The following CLDN14 variants were observed in gnomAD, a reference collection of about 807,000 sequenced individuals.
CLDN14 encodes claudin 14, also known as claudin-14.
Under a neutral mutation model 2.1 loss-of-function variants are expected in CLDN14, and 2 were observed. That is an observed-to-expected ratio of 0.96 (90% CI 0.39 to 3.01). The LOEUF (loss-of-function observed/expected upper bound fraction) is 3.01, where lower values mean the gene tolerates loss of function less well. CLDN14 is among the 30% of genes most tolerant of loss of function. The probability of loss-of-function intolerance (pLI) is 0.09; values close to 1 mark genes in which losing one functional copy is unlikely to be tolerated. For synonymous variants in CLDN14, 136 were observed against 154.4 expected (o/e 0.88, Z 0.88); for missense variants, 298 against 328.0 (o/e 0.91, Z 0.71).
upstream of CLDN14, among the ~76,000 whole-genome samples, chr21:36,483,402 C>T (rs559288211): frequency 7.9e-5 from 12 of 152,364 alleles, no homozygotes; most frequent in Admixed American, 2.6e-4. Flanking sequence ...TCAAACCATG[C>T]GTCTCTCTGA....
rs1183607036 is a variant in CLDN14 at position 36,461,255 on chromosome 21, G to T, written c.441C>A (p.Phe147Leu). 1.2e-6 allele frequency: 2 copies of T among 1,613,856 alleles called. No homozygotes were observed. The highest frequency in any genetic ancestry group is 2.7e-5 in the African/African-American group (2 of 74,946). The change falls in exon 2 of 2, where the codon TTC (phenylalanine) becomes TTA (leucine). Residue 147 changes from phenylalanine to leucine, a missense_variant. Physicochemically the swap from Phe to Leu is conservative, Grantham distance 22. Coordinates refer to ENST00000399135, the MANE Select transcript of CLDN14 (RefSeq NM_001146079.2). ...SWTTNDVVQN[F>L]YNPLLPSGMK... ...TGCCGCTGGGCAGCAGCGGGTTGTA[G>T]AAGTTCTGCACCACGTCGTTGGTGG...
At chr21:36,526,726 C>A (rs951618614) in intron 1 of CLDN14, among the ~76,000 whole-genome samples, 1 of 152,204 alleles carries the variant, frequency 6.6e-6, no homozygotes, top group Non-Finnish European at 1.5e-5. Context: ...CTGAGGTAGG[C>A]CCAGCAATAC....
At chr21:36,466,911 G>C (rs1221307234) in intron 1 of CLDN14, among the ~76,000 whole-genome samples, 2 of 152,100 alleles carry the variant, frequency 1.3e-5, no homozygotes, top group Non-Finnish European at 2.9e-5. Flanking sequence ...GAGAGAAATT[G>C]ACCAAAACAA....
intron 1 of CLDN14, among the ~76,000 whole-genome samples, chr21:36,558,907 T>G (rs545912040): frequency 2.0e-5 from 3 of 152,152 alleles, no homozygotes; most frequent in Non-Finnish European, 4.4e-5. Context: ...TTTATTTATA[T>G]GTAATGTTTA....
intron 1 of CLDN14, among the ~76,000 whole-genome samples, chr21:36,518,073 CGT>C (rs2087241634): frequency 1.7e-5 from 1 of 59,342 alleles, no homozygotes; most frequent in African/African-American, 5.7e-5. Context: ...CACTTACATA[CGT>C]ACACACACAC....
Position 36,544,152 on chromosome 21 carries a change from T to G in CLDN14, c.-220+32259A>C, listed in dbSNP as rs1216363922. On this transcript the variant is annotated intron_variant, in intron 1 of 2. Transcript: ENST00000342108. The surrounding 1 kb of genome is among the most constrained non-coding windows in gnomAD (Gnocchi z 4.1). ...GCCCTTGGCTCCCTCCAACCCAGGT[T>G]TCCATTACCATGGTGCTGCCTGCCA... is the stretch of plus-strand genomic sequence containing the variant. Among the ~76,000 whole-genome samples, 1 of 152,224 alleles carries G rather than the reference T, an allele frequency of 6.6e-6. No homozygotes were observed. The highest frequency in any genetic ancestry group is 2.4e-5 in the African/African-American group (1 of 41,466).
intron 1 of CLDN14, among the ~76,000 whole-genome samples, chr21:36,525,869 G>A (rs1433006080): frequency 2.0e-5 from 3 of 152,114 alleles, no homozygotes; most frequent in Non-Finnish European, 4.4e-5. Flanking sequence ...ACTGGGGCTG[G>A]GTTTTAAAGA....
In CLDN14 at chr21:36,478,972, T is replaced by TC. The variant is rs370989238; in HGVS notation, c.-82+522dup. Among the ~76,000 whole-genome samples the TC allele has an allele frequency of 1.6e-3, 240 of 151,782 alleles. 1 individual carries two copies. The highest frequency in any genetic ancestry group is 6.8e-3 in the Middle Eastern group (2 of 294). The stretch of plus-strand genomic sequence containing the variant: ...CCCTCATTGAGAGAGATCTATCACT[T>TC]CCCCCCCTCTCCTGCCATGCCAATA... On this transcript the variant is annotated intron_variant, in intron 1 of 1. Coordinates refer to ENST00000399135, the MANE Select transcript of CLDN14 (RefSeq NM_001146079.2).
intron 1 of CLDN14, among the ~76,000 whole-genome samples, chr21:36,513,837 CT>C (rs1336563294): frequency 5.9e-5 from 9 of 151,660 alleles, no homozygotes; most frequent in African/African-American, 2.2e-4. Flanking sequence ...TTCTTTCTTT[CT>C]TTTTTAAAAT....
chr21:36,556,271 T>C (rs144951172), intron 1 of CLDN14, among the ~76,000 whole-genome samples: 219 of 152,344 alleles, frequency 1.4e-3, no homozygotes, highest in African/African-American at 5.0e-3. Flanking sequence ...GAGGTGGGAA[T>C]GTCTTCTAAT....
chr21:36,527,831 G>C (rs899482866), intron 1 of CLDN14, among the ~76,000 whole-genome samples: 3 of 151,936 alleles, frequency 2.0e-5, no homozygotes, highest in African/African-American at 7.3e-5. Flanking sequence ...CTGTATCTCA[G>C]GGGGAAGAAA....
intron 1 of CLDN14, among the ~76,000 whole-genome samples, chr21:36,517,656 C>T (rs899351781): frequency 6.6e-6 from 1 of 152,134 alleles, no homozygotes; most frequent in African/African-American, 2.4e-5. Context: ...TGGATACAGT[C>T]CTGCACAATA....
In CLDN14 at chr21:36,512,079, C is replaced by T. The variant is rs114541696; in HGVS notation, c.-219-1579G>A. On this transcript the variant is annotated intron_variant, in intron 1 of 2. Coordinates refer to the CLDN14 transcript ENST00000342108. The stretch of plus-strand genomic sequence containing the variant: ...TGTTAATGACTCTGCCCTGATGCTC[C>T]TATGTGAGCAGAACAAAGAGATAAT... Among the ~76,000 whole-genome samples the T allele has an allele frequency of 3.1e-3, 470 of 152,276 alleles. 1 individual carries two copies. The highest frequency in any genetic ancestry group is 0.011 in the African/African-American group (441 of 41,552).
chr21:36,566,529 T>G (rs1199632064), intron 1 of CLDN14, among the ~76,000 whole-genome samples: 1 of 152,150 alleles, frequency 6.6e-6, no homozygotes, highest in Non-Finnish European at 1.5e-5. Context: ...AATGACTCTG[T>G]CCTCTGAGTT....
chr21:36,574,809 T>G (rs1213183376), intron 1 of CLDN14, among the ~76,000 whole-genome samples: 1 of 152,228 alleles, frequency 6.6e-6, no homozygotes, highest in East Asian at 1.9e-4. Flanking sequence ...CCATTTATCC[T>G]AAATGACAAA....
chr21:36,550,579 C>G (rs1443551202), intron 1 of CLDN14, among the ~76,000 whole-genome samples: 1 of 152,154 alleles, frequency 6.6e-6, no homozygotes, highest in Non-Finnish European at 1.5e-5. Context: ...CCCATGGCAT[C>G]AGCCCGGTTT....
intron 1 of CLDN14, among the ~76,000 whole-genome samples, chr21:36,557,860 C>A (rs2087609909): frequency 1.3e-5 from 2 of 152,152 alleles, no homozygotes; most frequent in East Asian, 3.8e-4. Flanking sequence ...AAAATCATTG[C>A]CAAGACCAAT....
At chr21:36,495,155 C>T (rs183067686) in intron 2 of CLDN14, among the ~76,000 whole-genome samples, 12 of 152,116 alleles carry the variant, frequency 7.9e-5, no homozygotes, top group Non-Finnish European at 1.8e-4. Context: ...TTGTGAAACC[C>T]CTTCTCTACT....
intron 1 of CLDN14, among the ~76,000 whole-genome samples, chr21:36,568,809 A>C (rs1426527493): frequency 2.0e-5 from 3 of 152,234 alleles, no homozygotes; most frequent in Admixed American, 1.3e-4. Context: ...TCATTCCTTT[A>C]ACAGTTCAGA....
Sources: allele counts gnomAD v4.1 joint callset (sites outside exome capture counted in the v4.1 genomes callset), GRCh38; gene constraint gnomAD v4.1.1; non-coding constraint Gnocchi (gnomAD v3.1); transcripts MANE v1.5; gene names NCBI Gene and HGNC (gene_info 2026-07-23, HGNC 2026-07-21).